PCOLCE: variants seen among roughly 807,000 people sequenced by gnomAD.
The protein encoded by PCOLCE is procollagen C-endopeptidase enhancer.
A neutral mutation model predicts 47.2 loss-of-function variants in PCOLCE; 33 were observed. The ratio of observed to expected loss-of-function variants is 0.70; its 90% CI spans 0.53 to 0.93. PCOLCE has a LOEUF of 0.93. Ranked by LOEUF, PCOLCE falls within the 40% of genes least tolerant of loss-of-function variation. The probability of loss-of-function intolerance (pLI) is 0.00; values close to 1 mark genes in which losing one functional copy is unlikely to be tolerated. For missense variants in PCOLCE, 584 were observed against 585.3 expected (o/e 1.00, Z 0.02); for synonymous variants, 254 against 252.5 (o/e 1.01, Z -0.06).
chr7:100,602,506 G>A lies in PCOLCE; in HGVS notation c.50G>A (p.Cys17Tyr). 2.5e-6 allele frequency: 4 copies of A among 1,613,118 alleles called. No individual in the cohort carries two copies. The highest frequency in any genetic ancestry group is 3.4e-6 in the Non-Finnish European group (4 of 1,179,866). Residue 17 changes from cysteine to tyrosine, a missense_variant, in exon 1 of 9, where the codon TGC becomes TAC. Cys to Tyr is a radical substitution (Grantham distance 194). Coordinates refer to ENST00000223061, the MANE Select transcript of PCOLCE (RefSeq NM_002593.4). ...CTCCTGGGGCCCCTCCTCACTGCCT[G>A]CGCCCTGCTGCCTTTTGCCCAGGGC... The part of the protein sequence containing the change: ...ASLLGPLLTA[C>Y]ALLPFAQGQT...
rs1242476800 is a variant in PCOLCE, at chr7:100,605,087, C to T, written c.464-4C>T. 1 of 1,609,878 alleles carries T rather than the reference C, an allele frequency of 6.2e-7. No homozygotes were observed. Among genetic ancestry groups the T allele is most frequent in the South Asian group, 1.1e-5 (1 of 90,798 alleles). ...CCACCCCCGCTCCTCTCTCCCCTCC[C>T]CAGAGCACCAATTTTGCGGGGGGCG... On this transcript the variant is annotated splice_region_variant and splice_polypyrimidine_tract_variant and intron_variant, in intron 3 of 8. Transcript: ENST00000223061. The surrounding 1 kb of genome is among the most constrained non-coding windows in gnomAD (Gnocchi z 6.1).
At position 100,606,455 on chromosome 7, in the gene PCOLCE, C is replaced by T. The variant is rs142869335; in HGVS notation, c.765C>T (p.Phe255=). 4 of 1,614,050 alleles carry T rather than the reference C, an allele frequency of 2.5e-6. No individual in the cohort carries two copies. The highest frequency in any genetic ancestry group is 4.5e-5 in the East Asian group (2 of 44,886). The change falls in exon 6 of 9, where the codon TTC becomes TTT. Residue 255 remains phenylalanine, a synonymous_variant. Coordinates refer to ENST00000223061, the MANE Select transcript of PCOLCE (RefSeq NM_002593.4). ...AAGGGAATGAACTCCTCGTCCAGTT[C>T]GTCTCAGATCTCAGTGTCACCGCTG... ...SSEGNELLVQ[F]VSDLSVTADG... is the part of the protein sequence containing the mutation.
chr7:100,606,727 T>C, intron 6 of PCOLCE, 97 bp downstream of exon 6: 1 of 884,642 alleles, frequency 1.1e-6, no homozygotes, highest in Non-Finnish European at 1.7e-6. Flanking sequence ...AATCCCAGCA[T>C]TTTGGGAGGT....
At position 100,606,513 on chromosome 7, in the gene PCOLCE, C is replaced by G. The variant is rs750369223; in HGVS notation, c.823C>G (p.Arg275Gly). The stretch of plus-strand genomic sequence containing the variant: ...CTCAGCCTCCTACAAGACCCTGCCG[C>G]GGGGCACTGCCAAAGAAGGGCAAGG... ...GFSASYKTLP[R>G]GTAKEGQGPG... is the part of the protein sequence containing the mutation. Residue 275 changes from arginine (R) to glycine (G), a missense_variant, in exon 6 of 9, where the codon CGG becomes GGG. Transcript: ENST00000223061. 1.2e-6 allele frequency: 2 copies of G among 1,614,042 alleles called. No individual in the cohort carries two copies. Among genetic ancestry groups the G allele is most frequent in the Admixed American group, 1.7e-5 (1 of 60,006 alleles).
rs1223627017 is a variant in PCOLCE at position 100,604,226 on chromosome 7, TCCCTCACCTCCG to T, written c.463+12_463+23del. 6.2e-7 allele frequency: 1 copy of T among 1,602,946 alleles called. No individual in the cohort carries two copies. Among genetic ancestry groups the T allele is most frequent in the Non-Finnish European group, 8.5e-7 (1 of 1,176,326 alleles). The stretch of plus-strand genomic sequence containing the variant: ...GGCCACCTCGGGCACTGGTGAGAAC[TCCCTCACCTCCG>T]CCTTCCCCCCCTCCAGGCCCCGCCC... On this transcript the variant is annotated intron_variant, in intron 3 of 8. Transcript: ENST00000223061. This position sits in a 1 kb window ranked among gnomAD's most constrained non-coding sequence, Gnocchi z 6.4.
chr7:100,602,534 GACCCCCAACTACAC>G lies in PCOLCE; in HGVS notation c.79_92del (p.Thr27GlnfsTer20). 6.2e-7 allele frequency: 1 copy of G among 1,607,926 alleles called. No homozygotes were observed. The highest frequency in any genetic ancestry group is 8.5e-7 in the Non-Finnish European group (1 of 1,175,012). ...CCCTGCTGCCTTTTGCCCAGGGCCA[GACCCCCAACTACAC>G]CAGGTAGGTCTCTTGGCATCTTCCA... On this transcript the variant is annotated frameshift_variant, in exon 1 of 9. Transcript: ENST00000223061. LOFTEE classifies it high-confidence loss of function.
intron 6 of PCOLCE, among the ~76,000 whole-genome samples, chr7:100,607,082 TTC>T (rs1802728966): frequency 1.1e-5 from 1 of 94,648 alleles, no homozygotes; most frequent in Non-Finnish European, 2.4e-5. Flanking sequence ...CAGAGTGAGA[TTC>T]TGTCTCAAAA....
In PCOLCE at chr7:100,605,561, G is replaced by A; in HGVS notation, c.589-115G>A. Reference sequence around the variant, plus strand: ...GTGGTGTGAACGCCTTCAGGAGGGGGGCCCAGAGGACGCGGGAGGTGGGAG... The same window carrying A: ...GTGGTGTGAACGCCTTCAGGAGGGGAGCCCAGAGGACGCGGGAGGTGGGAG... On this transcript the variant is annotated intron_variant, in intron 4 of 8. Coordinates refer to ENST00000223061, the MANE Select transcript of PCOLCE (RefSeq NM_002593.4). This position sits in a 1 kb window ranked among gnomAD's most constrained non-coding sequence, Gnocchi z 6.1. The A allele has an allele frequency of 7.7e-7, 1 of 1,300,366 alleles. No individual in the cohort carries two copies. Among genetic ancestry groups the A allele is most frequent in the Non-Finnish European group, 1.1e-6 (1 of 944,264 alleles). The allele number at this position is 1,300,366 out of a possible 1,614,324, so 80.6% of individuals were successfully genotyped here. A position where few individuals can be genotyped will look rare whatever the true frequency, so the allele number is the denominator to read the frequency against.
chr7:100,603,933 G>T (rs1210018522), intron 2 of PCOLCE, 26 bp from the exon 3 acceptor site: 1 of 1,595,844 alleles, frequency 6.3e-7, no homozygotes. Context: ...GACTCTGTGG[G>T]TCCCCGCCTC....
chr7:100,604,703 G>T lies in PCOLCE; in HGVS notation c.464-388G>T. ...TTTCAGGCGGGGACCTCCCTAAAGG[G>T]GTCCTCGGGGGCTGTGCCCCAAGTC... On this transcript the variant is annotated intron_variant, in intron 3 of 8. Coordinates refer to ENST00000223061, the MANE Select transcript of PCOLCE (RefSeq NM_002593.4). This position sits in a 1 kb window ranked among gnomAD's most constrained non-coding sequence, Gnocchi z 6.4. The T allele has an allele frequency of 3.2e-6, 1 of 314,094 alleles. No homozygotes were observed. Among genetic ancestry groups the T allele is most frequent in the Non-Finnish European group, 6.1e-6 (1 of 165,002 alleles). The allele number at this position is 314,094 out of a possible 1,614,324, so 19.5% of individuals were successfully genotyped here.
rs1584441485 is a variant in PCOLCE at position 100,605,569 on chromosome 7, G to A, written c.589-107G>A. On this transcript the variant is annotated intron_variant, in intron 4 of 8. Transcript: ENST00000223061. The surrounding 1 kb of genome is among the most constrained non-coding windows in gnomAD (Gnocchi z 6.1). The stretch of plus-strand genomic sequence containing the variant: ...AACGCCTTCAGGAGGGGGGCCCAGA[G>A]GACGCGGGAGGTGGGAGTGGGAGCT... The A allele has an allele frequency of 7.3e-7, 1 of 1,374,950 alleles. No homozygotes were observed. Among genetic ancestry groups the A allele is most frequent in the Non-Finnish European group, 9.9e-7 (1 of 1,010,016 alleles). The allele number at this position is 1,374,950 out of a possible 1,614,324, so 85.2% of individuals were successfully genotyped here.
Position 100,604,854 on chromosome 7 carries a change from C to T in PCOLCE, c.464-237C>T, listed in dbSNP as rs1175012696. On this transcript the variant is annotated intron_variant, in intron 3 of 8. Coordinates refer to ENST00000223061, the MANE Select transcript of PCOLCE (RefSeq NM_002593.4). This position sits in a 1 kb window ranked among gnomAD's most constrained non-coding sequence, Gnocchi z 6.4. ...GCCAGAAGGGGGCGTCCAGCCAGTT[C>T]CTCCTCCCGCTTCCACCGCCCGCCA... The T allele has an allele frequency of 1.7e-5, 9 of 515,624 alleles. No individual in the cohort carries two copies. The highest frequency in any genetic ancestry group is 3.4e-5 in the Admixed American group (1 of 29,538). The allele number at this position is 515,624 out of a possible 1,614,324, so 31.9% of individuals were successfully genotyped here.
chr7:100,602,627 T>G lies in PCOLCE; in HGVS notation c.95+76T>G, dbSNP rs1387361910. 4.1e-6 allele frequency: 4 copies of G among 976,400 alleles called. No homozygotes were observed. The African/African-American group carries it at 6.4e-5, about 16-fold the overall frequency. The allele number at this position is 976,400 out of a possible 1,614,324, so 60.5% of individuals were successfully genotyped here. On this transcript the variant is annotated intron_variant, in intron 1 of 8. Transcript: ENST00000223061. ...ATTCCTTTGGGGTTATGCCTGGAGA[T>G]ATTTTGGGTTCCCTTGCTGACACAC...
chr7:100,607,946 A>T lies in PCOLCE; in HGVS notation c.1193A>T (p.Tyr398Phe). The T allele has an allele frequency of 6.2e-7, 1 of 1,614,178 alleles. No individual in the cohort carries two copies. The highest frequency in any genetic ancestry group is 8.5e-7 in the Non-Finnish European group (1 of 1,179,998). The change falls in exon 9 of 9, where the codon TAT becomes TTT. Residue 398 changes from tyrosine to phenylalanine, a missense_variant. Coordinates refer to ENST00000223061, the MANE Select transcript of PCOLCE (RefSeq NM_002593.4). ...TCCCTCCTTCTTCCAGGAGTCAGTT[A>T]TCTGCTGATGGGCCAGGTAGAAGAG... ...QCPPMKKGVS[Y>F]LLMGQVEENR...
At chr7:100,606,232 G>A (rs1802714058) in intron 5 of PCOLCE, 184 bp from the exon 6 acceptor site, 1 of 579,042 alleles carries the variant, frequency 1.7e-6, no homozygotes, top group East Asian at 2.9e-5. Flanking sequence ...GCGGGGCTGA[G>A]GCAGGAGGAT....
Position 100,605,508 on chromosome 7 carries a change from C to A in PCOLCE, c.589-168C>A. 1 of 819,944 alleles carries A rather than the reference C, an allele frequency of 1.2e-6. No homozygotes were observed. The highest frequency in any genetic ancestry group is 1.8e-5 in the South Asian group (1 of 55,450). The allele number at this position is 819,944 out of a possible 1,614,324, so 50.8% of individuals were successfully genotyped here. A position where few individuals can be genotyped will look rare whatever the true frequency, so the allele number is the denominator to read the frequency against. ...ACGACGACCGACACCCCTGCAGGGT[C>A]CCATGGGTGTGTGTGGTCCTCCGTG... is the stretch of plus-strand genomic sequence containing the variant. On this transcript the variant is annotated intron_variant, in intron 4 of 8. Coordinates refer to ENST00000223061, the MANE Select transcript of PCOLCE (RefSeq NM_002593.4). The surrounding 1 kb of genome is among the most constrained non-coding windows in gnomAD (Gnocchi z 6.1).
Position 100,607,945 on chromosome 7 carries a change from T to TA in PCOLCE, c.1193dup (p.Tyr398Ter). The change falls in exon 9 of 9, where the codon TAT (tyrosine) becomes TAAT (stop). Residue 398 changes from tyrosine to a stop codon, truncating the protein, a stop_gained and frameshift_variant. Transcript: ENST00000223061. LOFTEE classifies it high-confidence loss of function. The stretch of plus-strand genomic sequence containing the variant: ...CTCCCTCCTTCTTCCAGGAGTCAGT[T>TA]ATCTGCTGATGGGCCAGGTAGAAGA... The part of the protein sequence containing the change: ...QCPPMKKGVS[Y>*]LLMGQVEENR... 1 of 1,614,146 alleles carries TA rather than the reference T, an allele frequency of 6.2e-7. No individual in the cohort carries two copies. The highest frequency in any genetic ancestry group is 8.5e-7 in the Non-Finnish European group (1 of 1,180,028).
intron 6 of PCOLCE, 50 bp downstream of exon 6, chr7:100,606,680 TC>T: frequency 7.0e-7 from 1 of 1,429,670 alleles, no homozygotes; most frequent in Non-Finnish European, 9.5e-7. Context: ...GGGGGCCATT[TC>T]AAAAAGTTCT....
Position 100,605,094 on chromosome 7 carries a change from A to G in PCOLCE, c.467A>G (p.His156Arg), listed in dbSNP as rs369527987. 396 of 1,608,866 alleles carry G rather than the reference A, an allele frequency of 2.5e-4. No individual in the cohort carries two copies. The highest frequency in any genetic ancestry group is 3.2e-4 in the Non-Finnish European group (374 of 1,177,628). ...YSGRATSGTE[H>R]QFCGGRLEKA... ...CGCTCCTCTCTCCCCTCCCCAGAGCACCAATTTTGCGGGGGGCGGCTGGAG... is the reference window on the plus strand; with the variant it reads ...CGCTCCTCTCTCCCCTCCCCAGAGCGCCAATTTTGCGGGGGGCGGCTGGAG... Residue 156 changes from histidine (H) to arginine (R), a missense_variant, in exon 4 of 9, where the codon CAC (histidine) becomes CGC (arginine). Physicochemically the swap from His to Arg is conservative, Grantham distance 29. Coordinates refer to ENST00000223061, the MANE Select transcript of PCOLCE (RefSeq NM_002593.4). The surrounding 1 kb of genome is among the most constrained non-coding windows in gnomAD (Gnocchi z 6.1).
Sources: gnomAD v4.1 joint callset for allele counts (sites outside exome capture counted in the v4.1 genomes callset) on GRCh38, gnomAD v4.1.1 for gene constraint, Gnocchi (gnomAD v3.1) non-coding constraint, MANE v1.5 for transcripts, NCBI Gene and HGNC (gene_info 2026-07-23, HGNC 2026-07-21) for gene names.